Variants in FSD2 observed in about 807,000 individuals in gnomAD.
FSD2 encodes fibronectin type III and SPRY domain containing 2.
Under a neutral mutation model 80.4 loss-of-function variants are expected in FSD2, and 71 were observed. The ratio of observed to expected loss-of-function variants is 0.88; its 90% confidence interval spans 0.73 to 1.08. The LOEUF (loss-of-function observed/expected upper bound fraction) is 1.08, where lower values mean the gene tolerates loss of function less well. FSD2 is among the 50% of genes least tolerant of loss of function. The pLI is 0.00. For synonymous variants in FSD2, 361 were observed against 329.5 expected, an observed-to-expected ratio of 1.10 and a Z score of -1.03; for missense variants, 923 against 913.8, an observed-to-expected ratio of 1.01 and a Z score of -0.13.
At chr15:82,772,321 A>C in intron 6 of FSD2, 93 bp from the exon 7 acceptor site, 1 of 1,277,106 alleles carries the variant, frequency 7.8e-7, no homozygotes, top group Non-Finnish European at 1.1e-6. Flanking sequence ...CCCCCAATGA[A>C]TCCACAGCCT....
At chr15:82,783,967 G>A (rs2049936181) in intron 3 of FSD2, among the ~76,000 whole-genome samples, 1 of 152,130 alleles carries the variant, frequency 6.6e-6, no homozygotes. Flanking sequence ...AGTATATATT[G>A]CTTATATTGT....
chr15:82,761,685 A>T (rs932150263), intron 12 of FSD2, among the ~76,000 whole-genome samples: 38 of 141,890 alleles, frequency 2.7e-4, no homozygotes, highest in Non-Finnish European at 4.9e-4. Flanking sequence ...TTATTTTATT[A>T]TTTTTTTTTT....
intron 1 of FSD2, chr15:82,796,463 G>C (rs1037937707): frequency 6.5e-6 from 1 of 153,792 alleles, no homozygotes; most frequent in South Asian, 2.1e-4. Context: ...GGCATAAGAC[G>C]TATTAGGAGA....
chr15:82,793,457 G>A (rs2050195354), intron 1 of FSD2, among the ~76,000 whole-genome samples: 1 of 152,082 alleles, frequency 6.6e-6, no homozygotes, highest in Non-Finnish European at 1.5e-5. Flanking sequence ...GCACAAAACA[G>A]TTTCTCACAC....
chr15:82,795,674 A>T (rs2050247839), intron 1 of FSD2, among the ~76,000 whole-genome samples: 1 of 152,098 alleles, frequency 6.6e-6, no homozygotes, highest in African/African-American at 2.4e-5. Flanking sequence ...TACCAAAAAT[A>T]CAAAAAAATT....
chr15:82,778,608 G>A (rs1596244105), intron 6 of FSD2, among the ~76,000 whole-genome samples, 158 bp downstream of exon 6: 1 of 152,272 alleles, frequency 6.6e-6, no homozygotes, highest in Admixed American at 6.5e-5. Context: ...AGTTCTAGAG[G>A]TATGCTGTAC....
chr15:82,782,540 C>T (rs1171616537), intron 4 of FSD2, among the ~76,000 whole-genome samples: 2 of 152,216 alleles, frequency 1.3e-5, no homozygotes, highest in African/African-American at 2.4e-5. Flanking sequence ...GCTGCCTCTG[C>T]GCTGGGGGAG....
chr15:82,766,001 G>T lies in FSD2; in HGVS notation c.1584C>A (p.Ser528=), dbSNP rs778685620. Residue 528 remains serine, a synonymous_variant, in exon 10 of 13, where the codon TCC becomes TCA. Transcript: ENST00000334574. ...ESVVGIPTCE[S]VVQLQPGRSY... ...TCCGCCCCGGCTGCAGCTGCACCACGGACTCGCAGGTCGGGATGCCCACAA... is the reference window on the plus strand; with the variant it reads ...TCCGCCCCGGCTGCAGCTGCACCACTGACTCGCAGGTCGGGATGCCCACAA... The T allele has an allele frequency of 2.2e-5, 35 of 1,592,430 alleles. No homozygotes were observed. Among genetic ancestry groups the T allele is most frequent in the Non-Finnish European group, 3.0e-5 (35 of 1,170,720 alleles).
intron 3 of FSD2, 124 bp downstream of exon 3, chr15:82,786,387 G>C (rs1175785480): frequency 2.2e-5 from 16 of 721,820 alleles, no homozygotes; most frequent in Non-Finnish European, 3.6e-5. Context: ...AGGAGAGAAG[G>C]GGGAGTGGTG....
chr15:82,800,128 A>G (rs970231540), intron 1 of FSD2, among the ~76,000 whole-genome samples: 1 of 152,062 alleles, frequency 6.6e-6, no homozygotes, highest in Non-Finnish European at 1.5e-5. Flanking sequence ...GCGTCCTCAG[A>G]GAAGAACTCT....
chr15:82,797,465 A>T (rs908282775), intron 1 of FSD2, among the ~76,000 whole-genome samples: 2 of 152,216 alleles, frequency 1.3e-5, no homozygotes, highest in African/African-American at 2.4e-5. Context: ...AACTTTTTTT[A>T]AAAAAGCTCC....
intron 1 of FSD2, among the ~76,000 whole-genome samples, chr15:82,797,038 A>G: frequency 1.0e-5 from 1 of 96,452 alleles, no homozygotes; most frequent in East Asian, 2.2e-4. Context: ...AAAAAAAAAA[A>G]AAACACCTCC....
chr15:82,772,529 C>T (rs2049607018), intron 6 of FSD2, among the ~76,000 whole-genome samples: 1 of 152,166 alleles, frequency 6.6e-6, no homozygotes, highest in African/African-American at 2.4e-5. Flanking sequence ...GTCCTCTGGC[C>T]CTTCCGTGGC....
In FSD2 at chr15:82,782,859, G is replaced by A; in HGVS notation, c.902C>T (p.Thr301Ile). The change falls in exon 4 of 13, where the codon ACT (threonine) becomes ATT (isoleucine). Residue 301 changes from threonine to isoleucine, a missense_variant. Transcript: ENST00000334574. Reference protein sequence around the residue: ...QLVSCGENLDTCKELMETIEE... With the variant: ...QLVSCGENLDICKELMETIEE... ...TATTGTTTCCATCAGTTCTTTGCAA[G>A]TATCTAGGTTTTCTCCACAGCTGAC... The A allele has an allele frequency of 6.2e-7, 1 of 1,613,910 alleles. No homozygotes were observed. Among genetic ancestry groups the A allele is most frequent in the South Asian group, 1.1e-5 (1 of 91,084 alleles).
rs748893239 is a variant in FSD2, at chr15:82,787,016, C to G, written c.375G>C (p.Glu125Asp). ...AGCCCAGGTCCTCGGCCTCCGCTGCCTCTCCACTAAGTCTCCAGTCTCTCT... is the reference window on the plus strand; with the variant it reads ...AGCCCAGGTCCTCGGCCTCCGCTGCGTCTCCACTAAGTCTCCAGTCTCTCT... ...REQRDWRLSG[E>D]AAEAEDLGFG... is the part of the protein sequence containing the mutation. Residue 125 changes from glutamate (E) to aspartate (D), a missense_variant, in exon 2 of 13, where the codon GAG becomes GAC. Coordinates refer to ENST00000334574, the MANE Select transcript of FSD2 (RefSeq NM_001007122.4). 1.9e-6 allele frequency: 3 copies of G among 1,614,046 alleles called. No homozygotes were observed. Among genetic ancestry groups the G allele is most frequent in the Non-Finnish European group, 2.5e-6 (3 of 1,179,904 alleles).
In FSD2 at chr15:82,756,490, G is replaced by C. The variant is rs2049180709; in HGVS notation, c.*2858C>G. On this transcript the variant is annotated 3_prime_UTR_variant, in exon 13 of 13. Transcript: ENST00000334574. ...ATATCTTATTGGATGTATACAAAGT[G>C]ATTGTGTGTCATTTGAACCAGCAGG... The C allele has an allele frequency of 6.6e-6, 1 of 152,186 alleles. No individual in the cohort carries two copies. Among genetic ancestry groups the C allele is most frequent in the African/African-American group, 2.4e-5 (1 of 41,448 alleles). 9.4% of individuals were successfully genotyped at this position (152,186 alleles called of 1,614,324 possible). A position where few individuals can be genotyped will look rare whatever the true frequency, so the allele number is the denominator to read the frequency against.
intron 1 of FSD2, among the ~76,000 whole-genome samples, chr15:82,794,330 G>A (rs749873839): frequency 4.3e-4 from 65 of 151,986 alleles, no homozygotes; most frequent in Middle Eastern, 3.2e-3. Flanking sequence ...ATTCCATTGC[G>A]ACCAGAAAAC....
chr15:82,770,098 A>G (rs1425085439), intron 7 of FSD2, among the ~76,000 whole-genome samples: 1 of 152,148 alleles, frequency 6.6e-6, no homozygotes, highest in Non-Finnish European at 1.5e-5. Context: ...CTATGTGACT[A>G]GCTTTGGTCA....
intron 1 of FSD2, among the ~76,000 whole-genome samples, chr15:82,789,808 A>G (rs897028398): frequency 2.0e-5 from 3 of 152,108 alleles, no homozygotes; most frequent in African/African-American, 4.8e-5. Flanking sequence ...TCTAGTTCCA[A>G]TTACTCAGGA....
Sources: gnomAD v4.1 joint callset for allele counts (sites outside exome capture counted in the v4.1 genomes callset) on GRCh38, gnomAD v4.1.1 for gene constraint, MANE v1.5 for transcripts, NCBI Gene and HGNC (gene_info 2026-07-23, HGNC 2026-07-21) for gene names.